DNAAF5: variants seen among roughly 807,000 people sequenced by gnomAD.
DNAAF5 encodes the protein dynein axonemal assembly factor 5, also known as HEAT repeat containing 2.
In DNAAF5, 64 loss-of-function variants were observed where a neutral mutation model predicts 75.8. The observed-to-expected ratio is 0.84, with a 90% CI of 0.69 to 1.04. The LOEUF (loss-of-function observed/expected upper bound fraction) is 1.04. DNAAF5 is among the 50% of genes least tolerant of loss of function. DNAAF5 has a pLI of 0.00. For synonymous variants in DNAAF5, 657 were observed against 557.2 expected (o/e 1.18, Z -2.52); for missense variants, 1,269 against 1,178.5 (o/e 1.08, Z -1.12).
Position 774,041 on chromosome 7 carries a change from G to A in DNAAF5, c.1932-7G>A. On this transcript the variant is annotated splice_region_variant and splice_polypyrimidine_tract_variant and intron_variant, in intron 9 of 12. Coordinates refer to ENST00000297440, the MANE Select transcript of DNAAF5 (RefSeq NM_017802.4). ...CTCCTCATCCACCCTCTCCGTTCCG[G>A]TTCCAGGCAGTTTCCCAGCTACCTC... The A allele has an allele frequency of 1.2e-6, 2 of 1,614,100 alleles. No homozygotes were observed. The highest frequency in any genetic ancestry group is 1.7e-6 in the Non-Finnish European group (2 of 1,180,024).
At chr7:776,504 C>T (rs1320887578) in intron 11 of DNAAF5, among the ~76,000 whole-genome samples, 1 of 152,058 alleles carries the variant, frequency 6.6e-6, no homozygotes, top group South Asian at 2.1e-4. Context: ...TCAGCTTCCA[C>T]GCGGCCGGGA....
At chr7:779,885 C>A in intron 11 of DNAAF5, 68 bp from the exon 12 acceptor site, 1 of 1,409,710 alleles carries the variant, frequency 7.1e-7, no homozygotes, top group South Asian at 1.3e-5. Context: ...AACTAAATGC[C>A]TTTGTGGACG....
Position 754,949 on chromosome 7 carries a change from G to T in DNAAF5, c.1257+128G>T. ...CGTTCCCCTCACCCCCGGGCCGCAGGCCCTCCCCACACCCAGCCCCTGGGA... is the reference window on the plus strand; with the variant it reads ...CGTTCCCCTCACCCCCGGGCCGCAGTCCCTCCCCACACCCAGCCCCTGGGA... On this transcript the variant is annotated intron_variant, in intron 5 of 12. Transcript: ENST00000297440. This position sits in a 1 kb window ranked among gnomAD's most constrained non-coding sequence, Gnocchi z 4.8. The T allele has an allele frequency of 3.0e-6, 2 of 676,120 alleles. No individual in the cohort carries two copies. The highest frequency in any genetic ancestry group is 4.1e-5 in the South Asian group (2 of 48,978). The allele number at this position is 676,120 out of a possible 1,614,324, so 41.9% of individuals were successfully genotyped here. A position where few individuals can be genotyped will look rare whatever the true frequency, so the allele number is the denominator to read the frequency against.
intron 1 of DNAAF5, among the ~76,000 whole-genome samples, chr7:728,442 G>C (rs1781441207): frequency 6.6e-6 from 1 of 152,318 alleles, no homozygotes; most frequent in Middle Eastern, 3.4e-3. Context: ...CTGCAGCTGC[G>C]TGGAGAATAG....
chr7:751,559 A>T (rs1782293853), intron 4 of DNAAF5, among the ~76,000 whole-genome samples: 1 of 144,028 alleles, frequency 6.9e-6, no homozygotes, highest in African/African-American at 2.6e-5. Context: ...CTATCTTTAC[A>T]GTTGTTCTGA....
At chr7:773,740 G>A (rs1003907082) in intron 9 of DNAAF5, among the ~76,000 whole-genome samples, 1 of 152,160 alleles carries the variant, frequency 6.6e-6, no homozygotes, top group African/African-American at 2.4e-5. Flanking sequence ...GAAGCTAGGA[G>A]CGGCGAGGGG....
In DNAAF5 at chr7:741,442, C is replaced by G; in HGVS notation, c.1001C>G (p.Thr334Ser). The G allele has an allele frequency of 6.4e-7, 1 of 1,561,342 alleles. No individual in the cohort carries two copies. The highest frequency in any genetic ancestry group is 8.7e-7 in the Non-Finnish European group (1 of 1,150,332). The change falls in exon 4 of 13, where the codon ACC (threonine) becomes AGC (serine). Residue 334 changes from threonine (T) to serine (S), a missense_variant. Physicochemically the swap from Thr to Ser is moderately conservative, Grantham distance 58 (BLOSUM62 1). Transcript: ENST00000297440. ...GACAAGCTGGACTTTGCCCCTCCCACCCCACCCCATTACCCTCCACATGGT... is the reference window on the plus strand; with the variant it reads ...GACAAGCTGGACTTTGCCCCTCCCAGCCCACCCCATTACCCTCCACATGGT... Reference protein sequence around the residue: ...LKDKLDFAPPTPPHYPPHERR... With the variant: ...LKDKLDFAPPSPPHYPPHERR...
intron 2 of DNAAF5, among the ~76,000 whole-genome samples, chr7:734,098 TTCTTGTCTAATTGTTCTA>T (rs1291271259): frequency 6.6e-6 from 1 of 152,224 alleles, no homozygotes; most frequent in East Asian, 1.9e-4. Context: ...CCCTTTATTT[TTCTTGTCTAATTGTTCTA>T]GCTAGAGCTT....
At position 748,665 on chromosome 7, in the gene DNAAF5, C is replaced by T. The variant is rs532043023; in HGVS notation, c.1025-5924C>T. Among the ~76,000 whole-genome samples, 125 of 152,202 alleles carry T rather than the reference C, an allele frequency of 8.2e-4. 1 individual carries two copies. The highest frequency in any genetic ancestry group is 7.1e-3 in the South Asian group (34 of 4,802). On this transcript the variant is annotated intron_variant, in intron 4 of 12. Coordinates refer to ENST00000297440, the MANE Select transcript of DNAAF5 (RefSeq NM_017802.4). Reference sequence around the variant, plus strand: ...CCACAGTGGAGGTGCTCCTTCTCCTCGGTGGACTCGGGCCCTGTGCTCACC... The same window carrying T: ...CCACAGTGGAGGTGCTCCTTCTCCTTGGTGGACTCGGGCCCTGTGCTCACC...
chr7:756,753 C>CT (rs1458738545), intron 5 of DNAAF5, 29 bp from the exon 6 acceptor site: 1 of 1,606,642 alleles, frequency 6.2e-7, no homozygotes, highest in African/African-American at 1.3e-5. Flanking sequence ...GGGTTTGGCT[C>CT]TGAGTTTTCT....
intron 5 of DNAAF5, among the ~76,000 whole-genome samples, chr7:756,549 C>G (rs1782490237): frequency 6.6e-6 from 1 of 152,198 alleles, no homozygotes; most frequent in South Asian, 2.1e-4. Context: ...TTGGGCCAGA[C>G]TTCACTGCCT....
intron 8 of DNAAF5, 75 bp from the exon 9 acceptor site, chr7:770,396 C>T (rs1778514248): frequency 6.9e-7 from 1 of 1,458,190 alleles, no homozygotes; most frequent in Non-Finnish European, 9.3e-7. Context: ...AGCGCCTGAG[C>T]CTGGGCCTGT....
intron 2 of DNAAF5, among the ~76,000 whole-genome samples, chr7:730,263 C>T (rs1224769894): frequency 6.6e-6 from 1 of 152,058 alleles, no homozygotes; most frequent in South Asian, 2.1e-4. Flanking sequence ...TTGGAACCCA[C>T]CAAGAGACGG....
chr7:740,118 C>T (rs1048432545), intron 2 of DNAAF5, among the ~76,000 whole-genome samples: 1 of 152,174 alleles, frequency 6.6e-6, no homozygotes, highest in South Asian at 2.1e-4. Context: ...TCAGCCCCAC[C>T]GCTTCCTCAC....
At chr7:757,806 G>A (rs1000087432) in intron 6 of DNAAF5, among the ~76,000 whole-genome samples, 2 of 152,224 alleles carry the variant, frequency 1.3e-5, no homozygotes, top group South Asian at 2.1e-4. Context: ...CATGCAGGGC[G>A]GGCCTCAGCT....
intron 6 of DNAAF5, among the ~76,000 whole-genome samples, chr7:757,558 A>C (rs930300667): frequency 5.3e-5 from 8 of 152,242 alleles, no homozygotes; most frequent in Non-Finnish European, 8.8e-5. Context: ...CCAGCTGAGG[A>C]TTTGCCAGAG....
At chr7:777,159 C>T (rs1221194430) in intron 11 of DNAAF5, among the ~76,000 whole-genome samples, 1 of 152,142 alleles carries the variant, frequency 6.6e-6, no homozygotes, top group East Asian at 1.9e-4. Context: ...ACAATGTAGT[C>T]ATAGAAATAA....
chr7:739,865 C>T (rs1388971443), intron 2 of DNAAF5, among the ~76,000 whole-genome samples: 2 of 152,146 alleles, frequency 1.3e-5, no homozygotes, highest in Non-Finnish European at 2.9e-5. Context: ...CAGCGAGTGA[C>T]CACGCCATGG....
intron 5 of DNAAF5, among the ~76,000 whole-genome samples, chr7:755,782 C>T (rs1434313300): frequency 6.6e-6 from 1 of 152,204 alleles, no homozygotes; most frequent in Non-Finnish European, 1.5e-5. Flanking sequence ...GTAAATGTTC[C>T]AGGTTCCATG....
Sources: allele counts gnomAD v4.1 joint callset (sites outside exome capture counted in the v4.1 genomes callset), GRCh38; gene constraint gnomAD v4.1.1; non-coding constraint Gnocchi (gnomAD v3.1); transcripts MANE v1.5; gene names NCBI Gene and HGNC (gene_info 2026-07-23, HGNC 2026-07-21).